The following UTP6 variants were observed in gnomAD, a reference collection of about 807,000 sequenced individuals.
UTP6 encodes UTP6 small subunit processome component, also known as U3 small nucleolar RNA-associated protein 6 homolog.
UTP6 carries 60 observed loss-of-function variants against 96.5 expected under a neutral mutation model. That is an observed-to-expected ratio of 0.62 (90% confidence interval 0.51 to 0.77). The LOEUF is 0.77. Ranked by LOEUF, UTP6 falls within the 30% of genes least tolerant of loss-of-function variation. The pLI, the probability that UTP6 is intolerant of heterozygous loss-of-function variation, is 0.00. For synonymous variants in UTP6, 215 were observed against 240.1 expected (o/e 0.90, Z 0.96); for missense variants, 637 against 706.5 (o/e 0.90, Z 1.12).
intron 13 of UTP6, among the ~76,000 whole-genome samples, chr17:31,877,478 C>T (rs895579667): frequency 3.3e-5 from 5 of 152,188 alleles, no homozygotes; most frequent in African/African-American, 4.8e-5. Context: ...ATGTTTCTTC[C>T]GACAGAAGAT....
intron 13 of UTP6, 30 bp downstream of exon 13, chr17:31,878,220 T>C (rs1261968064): frequency 1.2e-6 from 2 of 1,608,840 alleles, no homozygotes. Flanking sequence ...TATTTGTAAC[T>C]GGCACAGAAT....
At chr17:31,864,733 G>A (rs1001720753) in intron 18 of UTP6, among the ~76,000 whole-genome samples, 11 of 151,018 alleles carry the variant, frequency 7.3e-5, no homozygotes, top group Non-Finnish European at 1.5e-4. Flanking sequence ...AACAATCCTC[G>A]CACCTCAGCC....
At chr17:31,888,498 C>T (rs1256695900) in intron 7 of UTP6, among the ~76,000 whole-genome samples, 2 of 152,098 alleles carry the variant, frequency 1.3e-5, no homozygotes, top group Admixed American at 1.3e-4. Context: ...CACCTGAGTT[C>T]GGGAGTTTGA....
chr17:31,873,949 A>G (rs1032336662), intron 14 of UTP6, 196 bp from the exon 15 acceptor site: 1 of 560,094 alleles, frequency 1.8e-6, no homozygotes, highest in African/African-American at 2.0e-5. Flanking sequence ...ATTCATTCCC[A>G]AACAGTCCTC....
rs76983149 is a variant in UTP6 at position 31,872,570 on chromosome 17, G to T, written c.1496+808C>A. Among the ~76,000 whole-genome samples, 690 of 152,202 alleles carry T rather than the reference G, an allele frequency of 4.5e-3. 2 individuals are homozygous for T. The highest frequency in any genetic ancestry group is 7.4e-3 in the Non-Finnish European group (502 of 68,030). The stretch of plus-strand genomic sequence containing the variant: ...ACATGCCTGTAGACCCAGACATTTG[G>T]GAGGCTGAGGTGGGCGGACTGCTTG... On this transcript the variant is annotated intron_variant, in intron 16 of 18. Transcript: ENST00000261708.
chr17:31,872,640 C>T (rs1172444289), intron 16 of UTP6, among the ~76,000 whole-genome samples: 2 of 151,806 alleles, frequency 1.3e-5, no homozygotes, highest in East Asian at 2.0e-4. Flanking sequence ...TGTGCCACTA[C>T]ACTCTAACCT....
intron 10 of UTP6, among the ~76,000 whole-genome samples, chr17:31,883,579 T>C (rs1472911708): frequency 1.3e-5 from 2 of 152,002 alleles, no homozygotes; most frequent in Admixed American, 6.6e-5. Flanking sequence ...CCTCCCAAAG[T>C]GCCGGGATTA....
At chr17:31,879,532 C>T (rs544550040) in intron 11 of UTP6, among the ~76,000 whole-genome samples, 16 of 151,570 alleles carry the variant, frequency 1.1e-4, no homozygotes, top group African/African-American at 3.6e-4. Context: ...ATTGGCCTGG[C>T]GTGGAGGCAT....
At chr17:31,894,182 T>C (rs1042920359) in intron 4 of UTP6, among the ~76,000 whole-genome samples, 4 of 148,596 alleles carry the variant, frequency 2.7e-5, no homozygotes, top group Non-Finnish European at 5.9e-5. Flanking sequence ...GGTGGGAGAA[T>C]CATTTGAGCC....
intron 2 of UTP6, among the ~76,000 whole-genome samples, chr17:31,896,476 A>T (rs1318728096): frequency 6.6e-6 from 1 of 152,064 alleles, no homozygotes; most frequent in East Asian, 1.9e-4. Context: ...TGTGACTTTC[A>T]CGTTCACATG....
chr17:31,886,975 G>A (rs1206560813), intron 8 of UTP6, among the ~76,000 whole-genome samples: 3 of 151,926 alleles, frequency 2.0e-5, no homozygotes, highest in East Asian at 3.9e-4. Flanking sequence ...TCCTAACTAA[G>A]TCCATTTATA....
intron 14 of UTP6, 150 bp downstream of exon 14, chr17:31,875,084 C>A: frequency 3.8e-6 from 3 of 792,238 alleles, no homozygotes; most frequent in East Asian, 5.1e-5. Context: ...GAAGCAAATT[C>A]TTCTACTCTT....
chr17:31,871,239 G>T (rs559278465), intron 16 of UTP6, among the ~76,000 whole-genome samples: 1 of 151,768 alleles, frequency 6.6e-6, no homozygotes, highest in South Asian at 2.1e-4. Flanking sequence ...TGATCCGCCC[G>T]CCTCGGCCTC....
At chr17:31,869,756 A>T (rs974765655) in intron 16 of UTP6, among the ~76,000 whole-genome samples, 3 of 152,156 alleles carry the variant, frequency 2.0e-5, no homozygotes, top group Non-Finnish European at 4.4e-5. Context: ...TTTGGGATAG[A>T]CTGACCCTGT....
At chr17:31,889,646 G>A (rs985529782) in intron 6 of UTP6, among the ~76,000 whole-genome samples, 4 of 151,658 alleles carry the variant, frequency 2.6e-5, no homozygotes, top group Non-Finnish European at 4.4e-5. Context: ...ACAGGCACCC[G>A]CCACCATGCC....
chr17:31,865,149 G>C (rs1423715527), intron 18 of UTP6, among the ~76,000 whole-genome samples: 1 of 152,172 alleles, frequency 6.6e-6, no homozygotes. Context: ...CTCCCAGGCA[G>C]GGATTACAGG....
intron 7 of UTP6, among the ~76,000 whole-genome samples, chr17:31,888,649 C>T (rs1911289325): frequency 6.6e-6 from 1 of 152,032 alleles, no homozygotes; most frequent in South Asian, 2.1e-4. Context: ...GAGCCAAGAC[C>T]GGGCCACTAC....
chr17:31,888,886 A>G (rs1269594335), intron 7 of UTP6, among the ~76,000 whole-genome samples: 1 of 152,066 alleles, frequency 6.6e-6, no homozygotes, highest in Non-Finnish European at 1.5e-5. Flanking sequence ...CCTGGCTAAC[A>G]TGGTAAAACC....
chr17:31,901,438 A>T, intron 1 of UTP6, 98 bp downstream of exon 1: 8 of 1,149,806 alleles, frequency 7.0e-6, no homozygotes, highest in Non-Finnish European at 1.0e-5. Context: ...TAGGAAAAGT[A>T]AACACAGGTC....
Sources: gnomAD v4.1 joint callset for allele counts (sites outside exome capture counted in the v4.1 genomes callset) on GRCh38, gnomAD v4.1.1 for gene constraint, MANE v1.5 for transcripts, NCBI Gene and HGNC (gene_info 2026-07-23, HGNC 2026-07-21) for gene names.